Variants in CNTN1 observed in about 807,000 individuals in gnomAD.
The protein encoded by CNTN1 is contactin 1, also known as contactin-1.
Under a neutral mutation model 126.4 loss-of-function variants are expected in CNTN1, and 38 were observed. That is an observed-to-expected ratio of 0.30 (90% CI 0.23 to 0.39). CNTN1 has a LOEUF of 0.39. CNTN1 is among the 10% of genes least tolerant of loss of function. CNTN1 has a pLI of 1.00. For missense variants in CNTN1, 1,009 were observed against 1,248.4 expected, an observed-to-expected ratio of 0.81 and a Z score of 2.89; for synonymous variants, 413 against 422.6, an observed-to-expected ratio of 0.98 and a Z score of 0.28.
intron 1 of CNTN1, among the ~76,000 whole-genome samples, chr12:40,842,217 T>A (rs1008551979): frequency 2.0e-5 from 3 of 152,110 alleles, no homozygotes; most frequent in Non-Finnish European, 4.4e-5. Context: ...GAAATATCAG[T>A]GAGTATCTTG....
rs145781188 is a variant in CNTN1 at position 40,991,772 on chromosome 12, A to G, written c.1964-1348A>G. Among the ~76,000 whole-genome samples the G allele has an allele frequency of 2.6e-3, 390 of 152,234 alleles. 1 individual carries two copies. The highest frequency in any genetic ancestry group is 6.8e-3 in the Middle Eastern group (2 of 294). ...GAACCCAGGAGGCAGAGCTTGCAGT[A>G]AGCAGAGATCACGCAACTGCACTCC... On this transcript the variant is annotated intron_variant, in intron 16 of 23. Transcript: ENST00000551295.
chr12:40,710,289 C>T (rs2121160267), intron 1 of CNTN1, among the ~76,000 whole-genome samples: 2 of 152,140 alleles, frequency 1.3e-5, no homozygotes, highest in Non-Finnish European at 2.9e-5. Flanking sequence ...GAGGAATTAG[C>T]CCTTGGTGGA....
chr12:40,958,327 ATGTGTATATGTG>A (rs1209490629), intron 14 of CNTN1, among the ~76,000 whole-genome samples: 1 of 142,530 alleles, frequency 7.0e-6, no homozygotes, highest in Non-Finnish European at 1.5e-5. Context: ...GTGTGTATGT[ATGTGTATATGTG>A]TGTGTGTATA....
At chr12:40,902,553 AT>A (rs754443516) in intron 1 of CNTN1, among the ~76,000 whole-genome samples, 28 of 152,210 alleles carry the variant, frequency 1.8e-4, no homozygotes, top group East Asian at 7.7e-4. Context: ...ATAAAGGCAC[AT>A]TTTTTTGTAC....
At chr12:40,781,848 T>C (rs1440465475) in intron 1 of CNTN1, among the ~76,000 whole-genome samples, 1 of 152,068 alleles carries the variant, frequency 6.6e-6, no homozygotes, top group East Asian at 1.9e-4. Flanking sequence ...TTTTGGTTTC[T>C]GCATCTGATC....
intron 1 of CNTN1, among the ~76,000 whole-genome samples, chr12:40,727,651 A>G (rs1383685673): frequency 6.6e-6 from 1 of 152,164 alleles, no homozygotes; most frequent in Non-Finnish European, 1.5e-5. Context: ...GCCAAACAAA[A>G]TCAATCCTAT....
At chr12:40,695,937 C>T (rs763583607) in intron 1 of CNTN1, among the ~76,000 whole-genome samples, 2 of 152,130 alleles carry the variant, frequency 1.3e-5, no homozygotes, top group African/African-American at 2.4e-5. Context: ...CTTACCCTAT[C>T]GGCTAAGAGC....
At chr12:40,874,262 A>G (rs1943597478) in intron 1 of CNTN1, among the ~76,000 whole-genome samples, 1 of 152,128 alleles carries the variant, frequency 6.6e-6, no homozygotes, top group Admixed American at 6.6e-5. Flanking sequence ...AATTTAGTAT[A>G]CAACCTAGTA....
At chr12:40,781,698 C>A (rs997033321) in intron 1 of CNTN1, among the ~76,000 whole-genome samples, 1 of 151,868 alleles carries the variant, frequency 6.6e-6, no homozygotes, top group Non-Finnish European at 1.5e-5. Context: ...CATAAAAACC[C>A]AAAAGCAACA....
chr12:40,710,154 A>G (rs1941876966), intron 1 of CNTN1, among the ~76,000 whole-genome samples: 1 of 152,144 alleles, frequency 6.6e-6, no homozygotes, highest in Non-Finnish European at 1.5e-5. Context: ...CATCAGAGGA[A>G]TCACTATGGC....
chr12:40,895,031 T>C (rs911516775), intron 1 of CNTN1, among the ~76,000 whole-genome samples: 3 of 152,194 alleles, frequency 2.0e-5, no homozygotes, highest in Non-Finnish European at 4.4e-5. Context: ...CTCAAGGTAA[T>C]TCCAGAAATA....
At chr12:41,012,491 G>T (rs1161351603) in intron 17 of CNTN1, among the ~76,000 whole-genome samples, 1 of 152,130 alleles carries the variant, frequency 6.6e-6, no homozygotes, top group East Asian at 1.9e-4. Context: ...CCATCAGTGG[G>T]GACAGAGGCT....
chr12:40,742,952 GC>G (rs1345686043), intron 1 of CNTN1, among the ~76,000 whole-genome samples: 1 of 152,088 alleles, frequency 6.6e-6, no homozygotes, highest in Non-Finnish European at 1.5e-5. Context: ...AGATGGAATA[GC>G]CAGTAATTAA....
intron 1 of CNTN1, among the ~76,000 whole-genome samples, chr12:40,836,113 GGTATATATATACGTA>G (rs1260775988): frequency 3.4e-5 from 5 of 145,122 alleles, no homozygotes; most frequent in East Asian, 2.0e-4. Flanking sequence ...TACATATACA[GGTATATATATACGTA>G]CATATACAGG....
At chr12:40,779,685 T>G (rs1939718066) in intron 1 of CNTN1, among the ~76,000 whole-genome samples, 1 of 151,894 alleles carries the variant, frequency 6.6e-6, no homozygotes, top group African/African-American at 2.4e-5. Context: ...AGTTAAGAGA[T>G]GCTTTGGAAT....
intron 6 of CNTN1, among the ~76,000 whole-genome samples, chr12:40,929,063 A>C (rs1013013639): frequency 6.6e-6 from 1 of 151,848 alleles, no homozygotes; most frequent in Admixed American, 6.6e-5. Flanking sequence ...GTATTTGTTG[A>C]ATGACTCCTG....
chr12:40,715,488 G>A (rs180839082), intron 1 of CNTN1, among the ~76,000 whole-genome samples: 4 of 152,112 alleles, frequency 2.6e-5, no homozygotes, highest in African/African-American at 2.4e-5. Context: ...AAAAGTAACC[G>A]CATGAACTTT....
At chr12:40,997,761 C>T (rs1478312228) in intron 17 of CNTN1, among the ~76,000 whole-genome samples, 5 of 152,012 alleles carry the variant, frequency 3.3e-5, no homozygotes, top group Non-Finnish European at 5.9e-5. Flanking sequence ...TCTGGGTATC[C>T]AATTAGATGA....
chr12:41,061,058 A>T (rs576482826), intron 23 of CNTN1, among the ~76,000 whole-genome samples: 63 of 152,314 alleles, frequency 4.1e-4, no homozygotes, highest in African/African-American at 1.5e-3. Context: ...CACTCAAGTG[A>T]GTGGTAACAG....
Sources: allele counts gnomAD v4.1 joint callset (sites outside exome capture counted in the v4.1 genomes callset), GRCh38; gene constraint gnomAD v4.1.1; transcripts MANE v1.5; gene names NCBI Gene and HGNC (gene_info 2026-07-23, HGNC 2026-07-21).